The following CBFA2T3 variants were observed in gnomAD, a reference collection of about 807,000 sequenced individuals.
CBFA2T3 encodes CBFA2/RUNX1 partner transcriptional co-repressor 3, also known as transcriptional corepressor CBFA2T3.
CBFA2T3 carries 31 observed loss-of-function variants against 58.6 expected under a neutral mutation model. The observed-to-expected ratio is 0.53, with a 90% confidence interval of 0.40 to 0.71. The LOEUF (loss-of-function observed/expected upper bound fraction) is 0.71, where lower values mean the gene tolerates loss of function less well. Ranked by LOEUF, CBFA2T3 falls within the 30% of genes least tolerant of loss-of-function variation. CBFA2T3 has a pLI of 0.00. For missense variants in CBFA2T3, 1,076 were observed against 963.1 expected (o/e 1.12, Z -1.55); for synonymous variants, 531 against 421.9 (o/e 1.26, Z -3.17).
chr16:88,970,077 C>G (rs1261444103), intron 1 of CBFA2T3, among the ~76,000 whole-genome samples: 1 of 152,088 alleles, frequency 6.6e-6, no homozygotes. Context: ...TGGAAATTCA[C>G]GTCAGTGGGA....
intron 1 of CBFA2T3, among the ~76,000 whole-genome samples, chr16:88,969,585 AC>A (rs1972597773): frequency 6.6e-6 from 1 of 152,108 alleles, no homozygotes; most frequent in East Asian, 1.9e-4. Context: ...TTCCATTCCC[AC>A]CATGGTCGGG....
chr16:88,965,009 C>T (rs140760503), intron 1 of CBFA2T3, among the ~76,000 whole-genome samples: 1 of 151,022 alleles, frequency 6.6e-6, no homozygotes, highest in Non-Finnish European at 1.5e-5. Context: ...TCCATCTATC[C>T]ATCCATCCAC....
intron 1 of CBFA2T3, chr16:88,941,188 G>A: frequency 2.0e-6 from 2 of 982,104 alleles, no homozygotes; most frequent in Non-Finnish European, 2.4e-6. Flanking sequence ...GCTGGGGCGC[G>A]CGGGGCGGCC....
At chr16:88,968,629 G>A (rs1294493250) in intron 1 of CBFA2T3, among the ~76,000 whole-genome samples, 2 of 152,234 alleles carry the variant, frequency 1.3e-5, no homozygotes, top group South Asian at 2.1e-4. Flanking sequence ...GGCAGAAGCA[G>A]CTGAGACGGC....
At position 88,906,084 on chromosome 16, in the gene CBFA2T3, G is replaced by A. The variant is rs530695079; in HGVS notation, c.152-4428C>T. Among the ~76,000 whole-genome samples the A allele has an allele frequency of 5.3e-5, 8 of 152,134 alleles. No homozygotes were observed. In the East Asian group the frequency reaches 5.8e-4, roughly 11 times the overall value. ...GCAGCAGGGGGGTCCAGCACTCTCCGCCATCACTCGAAATGGTGGCTATTA... is the reference window on the plus strand; with the variant it reads ...GCAGCAGGGGGGTCCAGCACTCTCCACCATCACTCGAAATGGTGGCTATTA... On this transcript the variant is annotated intron_variant, in intron 1 of 11. Transcript: ENST00000268679.
chr16:88,913,263 C>T (rs539921427), intron 1 of CBFA2T3, among the ~76,000 whole-genome samples: 1 of 152,364 alleles, frequency 6.6e-6, no homozygotes, highest in South Asian at 2.1e-4. Flanking sequence ...ACAGGGTTGG[C>T]CCGGCCACTT....
At chr16:88,904,395 T>C (rs1018431575) in intron 1 of CBFA2T3, among the ~76,000 whole-genome samples, 6 of 151,906 alleles carry the variant, frequency 3.9e-5, no homozygotes, top group Admixed American at 2.6e-4. Context: ...GATGAAGTCA[T>C]CTACCCAAGG....
At chr16:88,917,470 G>A (rs1326301882) in intron 1 of CBFA2T3, among the ~76,000 whole-genome samples, 8 of 152,198 alleles carry the variant, frequency 5.3e-5, no homozygotes, top group Admixed American at 2.6e-4. Context: ...AGCTGTCTGC[G>A]GAGGGTCTGG....
Position 88,933,763 on chromosome 16 carries a change from TCA to T in CBFA2T3, c.152-32109_152-32108del, listed in dbSNP as rs371314904. ...CGTGCCTCTATACGCCTCACACGCC[TCA>T]CAGTGCCACACGTCTGCGTCCCCAC... On this transcript the variant is annotated intron_variant, in intron 1 of 11. Coordinates refer to ENST00000268679, the MANE Select transcript of CBFA2T3 (RefSeq NM_005187.6). 4.1e-3 allele frequency among the ~76,000 whole-genome samples: 568 copies of T among 139,496 alleles called. 12 individuals carry two copies. Among genetic ancestry groups the T allele is most frequent in the African/African-American group, 0.014 (549 of 39,966 alleles). 91.5% of individuals were successfully genotyped at this position (139,496 alleles called of 152,430 possible). A position where few individuals can be genotyped will look rare whatever the true frequency, so the allele number is the denominator to read the frequency against.
At chr16:88,905,512 C>G (rs952298705) in intron 1 of CBFA2T3, among the ~76,000 whole-genome samples, 1 of 151,696 alleles carries the variant, frequency 6.6e-6, no homozygotes, top group Non-Finnish European at 1.5e-5. Flanking sequence ...CTTGACTGGG[C>G]CCCCCAGGAT....
intron 1 of CBFA2T3, among the ~76,000 whole-genome samples, chr16:88,963,900 T>C (rs1972429729): frequency 6.6e-6 from 1 of 152,202 alleles, no homozygotes; most frequent in African/African-American, 2.4e-5. Flanking sequence ...TCCTCATCCC[T>C]CTGAGCCTCT....
intron 1 of CBFA2T3, among the ~76,000 whole-genome samples, chr16:88,974,754 C>T (rs1270989007): frequency 2.0e-5 from 3 of 152,050 alleles, no homozygotes; most frequent in African/African-American, 7.2e-5. Context: ...TCCAGGACCC[C>T]CCGCAGTTCC....
At position 88,917,184 on chromosome 16, in the gene CBFA2T3, C is replaced by G. The variant is rs528247931; in HGVS notation, c.152-15528G>C. On this transcript the variant is annotated intron_variant, in intron 1 of 11. Coordinates refer to ENST00000268679, the MANE Select transcript of CBFA2T3 (RefSeq NM_005187.6). ...CCCAGGCCCGGGCTGCAGGAGTTAG[C>G]TGGCCCTGCCCTCTGCACAGCCACA... Among the ~76,000 whole-genome samples, 231 of 152,318 alleles carry G rather than the reference C, an allele frequency of 1.5e-3. 1 individual carries two copies. Among genetic ancestry groups the G allele is most frequent in the African/African-American group, 5.5e-3 (227 of 41,574 alleles).
At chr16:88,920,315 CA>C (rs1359652156) in intron 1 of CBFA2T3, among the ~76,000 whole-genome samples, 1 of 152,208 alleles carries the variant, frequency 6.6e-6, no homozygotes, top group Non-Finnish European at 1.5e-5. Context: ...CTCGCTCTGT[CA>C]CCCAGGCTGA....
rs141505130 is a variant in CBFA2T3, at chr16:88,933,273, G to A, written c.152-31617C>T. Among the ~76,000 whole-genome samples, 75 of 152,040 alleles carry A rather than the reference G, an allele frequency of 4.9e-4. 1 individual carries two copies. Among genetic ancestry groups the A allele is most frequent in the African/African-American group, 1.5e-3 (62 of 41,444 alleles). The stretch of plus-strand genomic sequence containing the variant: ...GACTGCACGCCTCACAGTGCCACAC[G>A]TCTGCACGCCTCTGCACACGTCACG... On this transcript the variant is annotated intron_variant, in intron 1 of 11. Transcript: ENST00000268679.
rs928317085 is a variant in CBFA2T3 at position 88,879,538 on chromosome 16, A to G, written c.1472-78T>C. On this transcript the variant is annotated intron_variant, in intron 10 of 11. Coordinates refer to ENST00000268679, the MANE Select transcript of CBFA2T3 (RefSeq NM_005187.6). The stretch of plus-strand genomic sequence containing the variant: ...CTCTGGACTTCCTACGCGTGGCCAC[A>G]ACCTGGGGACAGGGGCTGTGTGCAG... The G allele has an allele frequency of 2.3e-5, 31 of 1,348,800 alleles. No homozygotes were observed. In the African/African-American group the frequency reaches 4.2e-4, roughly 18 times the overall value. 83.6% of individuals were successfully genotyped at this position (1,348,800 alleles called of 1,614,324 possible). A position where few individuals can be genotyped will look rare whatever the true frequency, so the allele number is the denominator to read the frequency against.
In CBFA2T3 at chr16:88,892,391, G is replaced by C. The variant is rs201160650; in HGVS notation, c.474C>G (p.Ala158=). 6.2e-7 allele frequency: 1 copy of C among 1,613,632 alleles called. No individual in the cohort carries two copies. Among genetic ancestry groups the C allele is most frequent in the Admixed American group, 1.7e-5 (1 of 60,028 alleles). Residue 158 remains alanine, a synonymous_variant, in exon 4 of 12, where the codon GCC becomes GCG. Coordinates refer to ENST00000268679, the MANE Select transcript of CBFA2T3 (RefSeq NM_005187.6). ...FSNGPATSST[A]SLSTQHLPPA... is the part of the protein sequence containing the mutation. The stretch of plus-strand genomic sequence containing the variant: ...GGGGCAGGTGCTGTGTGGACAAGGA[G>C]GCTGTGGACGAGGTGGCCGGGCCAT...
intron 5 of CBFA2T3, among the ~76,000 whole-genome samples, chr16:88,889,831 T>A (rs996285275): frequency 7.8e-6 from 1 of 128,134 alleles, no homozygotes; most frequent in African/African-American, 3.0e-5. Flanking sequence ...CCCTGGACGA[T>A]GCCCCGCGAT....
chr16:88,927,755 G>A (rs577004668), intron 1 of CBFA2T3, among the ~76,000 whole-genome samples: 9 of 152,294 alleles, frequency 5.9e-5, no homozygotes, highest in South Asian at 2.1e-4. Context: ...CCGTCCGCCC[G>A]TGCGGACACC....
Sources: allele counts gnomAD v4.1 joint callset (sites outside exome capture counted in the v4.1 genomes callset), GRCh38; gene constraint gnomAD v4.1.1; transcripts MANE v1.5; gene names NCBI Gene and HGNC (gene_info 2026-07-23, HGNC 2026-07-21).